Variants in RABGAP1L observed in about 807,000 individuals in gnomAD.
The protein encoded by RABGAP1L is RAB GTPase activating protein 1 like, also known as rab GTPase-activating protein 1-like.
Under a neutral mutation model 137.7 loss-of-function variants are expected in RABGAP1L, and 63 were observed. The ratio of observed to expected loss-of-function variants is 0.46; its 90% CI spans 0.37 to 0.56. The LOEUF is 0.56. RABGAP1L is among the 20% of genes least tolerant of loss of function. RABGAP1L has a pLI of 0.00. For synonymous variants in RABGAP1L, 431 were observed against 433.7 expected (o/e 0.99, Z 0.08); for missense variants, 1,095 against 1,244.0 (o/e 0.88, Z 1.80).
chr1:174,320,480 A>G (rs1221771639), intron 11 of RABGAP1L, among the ~76,000 whole-genome samples: 4 of 152,138 alleles, frequency 2.6e-5, no homozygotes, highest in Admixed American at 2.6e-4. Context: ...TCATGAGTTA[A>G]TGGATGTTTG....
intron 19 of RABGAP1L, among the ~76,000 whole-genome samples, chr1:174,823,048 C>A (rs188895805): frequency 6.6e-6 from 1 of 152,150 alleles, no homozygotes; most frequent in African/African-American, 2.4e-5. Context: ...CCTTTATAGA[C>A]GTTCCAAAAT....
At chr1:174,498,256 A>C (rs1375988377) in intron 13 of RABGAP1L, among the ~76,000 whole-genome samples, 3 of 152,198 alleles carry the variant, frequency 2.0e-5, no homozygotes, top group Non-Finnish European at 4.4e-5. Context: ...ATATATTTAT[A>C]GAAATATGCA....
chr1:174,886,677 T>C (rs1241381360), intron 19 of RABGAP1L, among the ~76,000 whole-genome samples: 3 of 152,252 alleles, frequency 2.0e-5, no homozygotes, highest in Admixed American at 6.5e-5. Flanking sequence ...GAAATCCATA[T>C]GCCTTCTAGT....
At chr1:174,722,326 C>T (rs1381777313) in intron 17 of RABGAP1L, among the ~76,000 whole-genome samples, 2 of 152,170 alleles carry the variant, frequency 1.3e-5, no homozygotes, top group African/African-American at 4.8e-5. Context: ...AAAGATTCTA[C>T]ACTTACACGA....
At chr1:174,656,180 G>A (rs374290382) in intron 14 of RABGAP1L, among the ~76,000 whole-genome samples, 1 of 152,112 alleles carries the variant, frequency 6.6e-6, no homozygotes, top group Admixed American at 6.5e-5. Context: ...ATTCAGGCTG[G>A]GCATAGTGGC....
At chr1:174,750,400 T>G (rs1485019332) in intron 17 of RABGAP1L, among the ~76,000 whole-genome samples, 3 of 152,188 alleles carry the variant, frequency 2.0e-5, no homozygotes, top group African/African-American at 7.2e-5. Flanking sequence ...TGGTCCCAGC[T>G]TAGTCAGTTG....
chr1:174,371,119 A>G, intron 12 of RABGAP1L, 47 bp downstream of exon 12: 1 of 1,087,866 alleles, frequency 9.2e-7, no homozygotes, highest in East Asian at 2.5e-5. Flanking sequence ...TACATAGTTG[A>G]TGTTAATTTG....
chr1:174,215,546 A>G (rs529567267), intron 1 of RABGAP1L, among the ~76,000 whole-genome samples: 1 of 152,324 alleles, frequency 6.6e-6, no homozygotes, highest in South Asian at 2.1e-4. Context: ...AAGATATACA[A>G]ATGGCAAAAA....
At chr1:174,305,236 CTG>C in intron 11 of RABGAP1L, 109 bp downstream of exon 11, 1 of 1,174,794 alleles carries the variant, frequency 8.5e-7, no homozygotes, top group Non-Finnish European at 1.1e-6. Flanking sequence ...TTCCTAACCT[CTG>C]TTACCATTAG....
intron 13 of RABGAP1L, among the ~76,000 whole-genome samples, chr1:174,585,585 G>A (rs181124792): frequency 2.0e-5 from 3 of 152,308 alleles, no homozygotes; most frequent in Non-Finnish European, 2.9e-5. Flanking sequence ...CCCATTATGA[G>A]TACTTCAGTG....
chr1:174,624,526 A>C (rs918540018), intron 13 of RABGAP1L, among the ~76,000 whole-genome samples: 1 of 152,226 alleles, frequency 6.6e-6, no homozygotes, highest in South Asian at 2.1e-4. Context: ...GGAAGTTTTC[A>C]TATAGACTTG....
chr1:174,927,654 C>T (rs1034364892), intron 19 of RABGAP1L, among the ~76,000 whole-genome samples: 5 of 152,246 alleles, frequency 3.3e-5, no homozygotes, highest in East Asian at 1.9e-4. Context: ...TAGGTTCAAG[C>T]GATTTTCCTG....
chr1:174,519,090 T>C (rs372881200), intron 13 of RABGAP1L, among the ~76,000 whole-genome samples: 5 of 150,600 alleles, frequency 3.3e-5, no homozygotes, highest in East Asian at 3.9e-4. Context: ...AATATATATA[T>C]ACACACACAC....
intron 13 of RABGAP1L, among the ~76,000 whole-genome samples, chr1:174,570,622 A>G: frequency 6.6e-6 from 1 of 152,192 alleles, no homozygotes; most frequent in East Asian, 1.9e-4. Flanking sequence ...AGCATTGTGC[A>G]ATATACTCAT....
chr1:174,251,512 T>C (rs1672714311), intron 6 of RABGAP1L, among the ~76,000 whole-genome samples: 1 of 152,194 alleles, frequency 6.6e-6, no homozygotes, highest in Non-Finnish European at 1.5e-5. Context: ...TTATCTGTAG[T>C]TTTACAGACA....
At chr1:174,874,578 CTTTTTTTTTTT>C (rs10530813) in intron 19 of RABGAP1L, 65 of 232,798 alleles carry the variant, frequency 2.8e-4, no homozygotes, top group South Asian at 1.4e-3. Flanking sequence ...ACACCACTGC[CTTTTTTTTTTT>C]TTTTTTTTTT....
intron 10 of RABGAP1L, among the ~76,000 whole-genome samples, chr1:174,281,138 A>T (rs535430742): frequency 3.3e-5 from 5 of 152,168 alleles, no homozygotes; most frequent in African/African-American, 1.2e-4. Context: ...AGCAACAGCA[A>T]GATTTACTGT....
intron 19 of RABGAP1L, among the ~76,000 whole-genome samples, chr1:174,907,669 T>TC (rs1436493158): frequency 1.3e-5 from 2 of 152,238 alleles, no homozygotes; most frequent in East Asian, 1.9e-4. Context: ...TGCTTTTTTT[T>TC]CTCATGATAA....
intron 13 of RABGAP1L, among the ~76,000 whole-genome samples, chr1:174,538,940 A>G (rs1665120604): frequency 6.6e-6 from 1 of 152,140 alleles, no homozygotes; most frequent in Non-Finnish European, 1.5e-5. Flanking sequence ...TTACAGAAAA[A>G]CATATTAGTG....
Sources: gnomAD v4.1 joint callset for allele counts (sites outside exome capture counted in the v4.1 genomes callset) on GRCh38, gnomAD v4.1.1 for gene constraint, MANE v1.5 for transcripts, NCBI Gene and HGNC (gene_info 2026-07-23, HGNC 2026-07-21) for gene names.